LRMDA: variants seen among roughly 807,000 people sequenced by gnomAD.
The protein encoded by LRMDA is leucine rich melanocyte differentiation associated, also known as leucine-rich melanocyte differentiation-associated protein.
LRMDA carries 18 observed loss-of-function variants against 29.8 expected under a neutral mutation model. The observed-to-expected ratio is 0.60, with a 90% confidence interval of 0.42 to 0.90. The LOEUF is 0.90. Among genes scored for constraint, LRMDA ranks in the 40% least tolerant of loss-of-function variants. LRMDA has a pLI of 0.00. For missense variants in LRMDA, 273 were observed against 273.9 expected (o/e 1.00, Z 0.02); for synonymous variants, 125 against 109.4 (o/e 1.14, Z -0.89).
chr10:75,875,411 C>T (rs1454780330), intron 2 of LRMDA, among the ~76,000 whole-genome samples: 2 of 152,052 alleles, frequency 1.3e-5, no homozygotes, highest in Non-Finnish European at 2.9e-5. Flanking sequence ...GCCATTTGGC[C>T]ATTTCTTTCC....
intron 6 of LRMDA, among the ~76,000 whole-genome samples, chr10:76,434,340 TTTAA>T (rs1452488870): frequency 6.6e-6 from 1 of 152,048 alleles, no homozygotes; most frequent in Non-Finnish European, 1.5e-5. Context: ...TCTCTCTCTC[TTTAA>T]TTTTCTTCCT....
At chr10:76,312,048 C>T (rs1840636126) in intron 5 of LRMDA, among the ~76,000 whole-genome samples, 1 of 152,202 alleles carries the variant, frequency 6.6e-6, no homozygotes, top group African/African-American at 2.4e-5. Context: ...CCCAGGCCTC[C>T]TGATTTCCCC....
At chr10:76,018,017 T>A (rs1479173615) in intron 2 of LRMDA, among the ~76,000 whole-genome samples, 2 of 152,222 alleles carry the variant, frequency 1.3e-5, no homozygotes, top group Non-Finnish European at 2.9e-5. Flanking sequence ...CTGTGCCATC[T>A]CTTCCACCAC....
Position 75,567,146 on chromosome 10 carries a change from T to A in LRMDA, c.131+128652T>A, listed in dbSNP as rs540819830. Among the ~76,000 whole-genome samples, 13 of 152,112 alleles carry A rather than the reference T, an allele frequency of 8.5e-5. No homozygotes were observed. In the East Asian group the frequency reaches 9.6e-4, roughly 11 times the overall value. On this transcript the variant is annotated intron_variant, in intron 2 of 6. Coordinates refer to ENST00000611255, the MANE Select transcript of LRMDA (RefSeq NM_001305581.2). ...CTCTCTCTTGTCCTCTGCTATTAGT[T>A]ATTTTTTTTTCTTCTAGATATTCTA...
chr10:76,290,722 T>A (rs117659397), intron 5 of LRMDA, among the ~76,000 whole-genome samples: 4 of 152,174 alleles, frequency 2.6e-5, no homozygotes, highest in Non-Finnish European at 5.9e-5. Context: ...GCCCTCAGAC[T>A]CTGTCCTCTA....
intron 2 of LRMDA, among the ~76,000 whole-genome samples, chr10:75,467,995 C>T (rs1301150327): frequency 6.6e-6 from 1 of 151,498 alleles, no homozygotes; most frequent in Non-Finnish European, 1.5e-5. Context: ...CACACACACA[C>T]ACACAAAGTC....
At chr10:76,505,361 G>A (rs1842948475) in intron 6 of LRMDA, among the ~76,000 whole-genome samples, 1 of 152,080 alleles carries the variant, frequency 6.6e-6, no homozygotes. Context: ...TGTCTAGCAA[G>A]ATTGGAGAAA....
rs114214279 is a variant in LRMDA at position 75,630,329 on chromosome 10, T to C, written c.131+191835T>C. Among the ~76,000 whole-genome samples, 833 of 152,344 alleles carry C rather than the reference T, an allele frequency of 5.5e-3. 9 individuals are homozygous for C. The highest frequency in any genetic ancestry group is 0.019 in the African/African-American group (809 of 41,578). ...CCATCCCCCGCTTCCCTCTCCACTC[T>C]TTGAAGGACTAGCATAGTTTCGGAG... On this transcript the variant is annotated intron_variant, in intron 2 of 6. Transcript: ENST00000611255.
chr10:75,593,706 C>T (rs1288736020), intron 2 of LRMDA, among the ~76,000 whole-genome samples: 1 of 152,236 alleles, frequency 6.6e-6, no homozygotes, highest in Non-Finnish European at 1.5e-5. Flanking sequence ...ATGGCTTGTC[C>T]TAAGTGGTAA....
intron 2 of LRMDA, among the ~76,000 whole-genome samples, chr10:75,930,332 T>G (rs1033027903): frequency 6.6e-6 from 1 of 152,120 alleles, no homozygotes; most frequent in East Asian, 1.9e-4. Flanking sequence ...TACAACACTT[T>G]GGGGAATTTC....
intron 2 of LRMDA, among the ~76,000 whole-genome samples, chr10:75,907,282 C>G (rs61862122): frequency 0.018 from 2,721 of 152,178 alleles, 31 homozygotes; most frequent in Non-Finnish European, 0.028. Context: ...TGTTTAATTG[C>G]AAGTTCAATT....
At chr10:75,632,039 T>C (rs972612867) in intron 2 of LRMDA, among the ~76,000 whole-genome samples, 2 of 152,222 alleles carry the variant, frequency 1.3e-5, no homozygotes, top group African/African-American at 2.4e-5. Flanking sequence ...GCTCCTAATA[T>C]TCCCAGACGT....
intron 5 of LRMDA, among the ~76,000 whole-genome samples, chr10:76,148,521 A>AT (rs1850376122): frequency 6.6e-6 from 1 of 152,120 alleles, no homozygotes; most frequent in East Asian, 1.9e-4. Context: ...CTGGTGTGCC[A>AT]TTTTTTAAGC....
rs1841903283 is a variant in LRMDA, at chr10:75,672,516, T to G, written c.131+234022T>G. On this transcript the variant is annotated intron_variant, in intron 2 of 6. Transcript: ENST00000611255. ...GCTAAGACACTTCCTTGTATTTTTCTTTTCTTTTCCTCCCCTCCCCTCCCC... is the reference window on the plus strand; with the variant it reads ...GCTAAGACACTTCCTTGTATTTTTCGTTTCTTTTCCTCCCCTCCCCTCCCC... Among the ~76,000 whole-genome samples the G allele has an allele frequency of 4.9e-5, 2 of 40,752 alleles. 1 individual carries two copies. Among genetic ancestry groups the G allele is most frequent in the Admixed American group, 4.0e-4 (2 of 5,030 alleles). The allele number at this position is 40,752 out of a possible 152,430, so 26.7% of individuals were successfully genotyped here. A position where few individuals can be genotyped will look rare whatever the true frequency, so the allele number is the denominator to read the frequency against.
chr10:76,160,792 T>G (rs1850633063), intron 5 of LRMDA, among the ~76,000 whole-genome samples: 1 of 152,200 alleles, frequency 6.6e-6, no homozygotes, highest in Admixed American at 6.5e-5. Flanking sequence ...AAGCAGGTTT[T>G]GCTTACAATT....
chr10:75,695,903 G>T (rs142244291), intron 2 of LRMDA, among the ~76,000 whole-genome samples: 1 of 152,144 alleles, frequency 6.6e-6, no homozygotes, highest in African/African-American at 2.4e-5. Context: ...ATTACTTTTT[G>T]CAGGAGAACC....
intron 2 of LRMDA, among the ~76,000 whole-genome samples, chr10:75,561,906 T>C (rs1338782381): frequency 2.0e-5 from 3 of 152,144 alleles, no homozygotes; most frequent in Admixed American, 6.6e-5. Flanking sequence ...CAGTTTGTTA[T>C]AATTTCTGTT....
chr10:76,275,339 T>C (rs2132326366), intron 5 of LRMDA, among the ~76,000 whole-genome samples: 1 of 152,170 alleles, frequency 6.6e-6, no homozygotes, highest in African/African-American at 2.4e-5. Flanking sequence ...TATTTGATTG[T>C]TCTTCATTCT....
chr10:76,546,631 A>C (rs1331922750), intron 6 of LRMDA, among the ~76,000 whole-genome samples: 6 of 152,156 alleles, frequency 3.9e-5, no homozygotes, highest in African/African-American at 2.4e-5. Context: ...ACCTGGACCC[A>C]GCTCTGGTTT....
Sources: allele counts gnomAD v4.1 joint callset (sites outside exome capture counted in the v4.1 genomes callset), GRCh38; gene constraint gnomAD v4.1.1; transcripts MANE v1.5; gene names NCBI Gene and HGNC (gene_info 2026-07-23, HGNC 2026-07-21).